The following ADAMTS9 variants were observed in gnomAD, a reference collection of about 807,000 sequenced individuals.
The protein encoded by ADAMTS9 is ADAM metallopeptidase with thrombospondin type 1 motif 9.
In ADAMTS9, 107 loss-of-function variants were observed where a neutral mutation model predicts 257.1. That is an observed-to-expected ratio of 0.42 (90% CI 0.36 to 0.49). The LOEUF (loss-of-function observed/expected upper bound fraction) is 0.49. Among genes scored for constraint, ADAMTS9 ranks in the 20% least tolerant of loss-of-function variants. The pLI is 0.03. For synonymous variants in ADAMTS9, 982 were observed against 880.9 expected (o/e 1.11, Z -2.03); for missense variants, 2,353 against 2,469.1 (o/e 0.95, Z 1.00).
intron 2 of ADAMTS9, among the ~76,000 whole-genome samples, chr3:64,682,880 C>T (rs1354688526): frequency 3.9e-5 from 6 of 152,142 alleles, no homozygotes; most frequent in Admixed American, 3.9e-4. Flanking sequence ...TTCAAAATTG[C>T]CTGGGAAGGT....
intron 19 of ADAMTS9, among the ~76,000 whole-genome samples, chr3:64,617,277 C>T (rs957449995): frequency 6.6e-6 from 1 of 152,128 alleles, no homozygotes; most frequent in African/African-American, 2.4e-5. Flanking sequence ...CCTTCGTCAC[C>T]ATTTCCTTGT....
intron 25 of ADAMTS9, among the ~76,000 whole-genome samples, chr3:64,602,449 A>G (rs978384728): frequency 2.0e-5 from 3 of 152,070 alleles, no homozygotes; most frequent in African/African-American, 2.4e-5. Context: ...GTCAAATCCT[A>G]TCCTTCCTTC....
chr3:64,568,663 A>C lies in ADAMTS9; in HGVS notation c.4357-128T>G. 14 of 1,103,834 alleles carry C rather than the reference A, an allele frequency of 1.3e-5. No homozygotes were observed. The South Asian group carries it at 1.9e-4, about 15-fold the overall frequency. 68.4% of individuals were successfully genotyped at this position (1,103,834 alleles called of 1,614,324 possible). On this transcript the variant is annotated intron_variant, in intron 28 of 39. Transcript: ENST00000498707. ...TACCATTCCCCTCTTTTACAGCGCC[A>C]GTTTGGATAATATCTCAAGGCTTAA... is the stretch of plus-strand genomic sequence containing the variant.
intron 28 of ADAMTS9, among the ~76,000 whole-genome samples, chr3:64,593,190 A>T (rs1393551993): frequency 1.3e-5 from 2 of 152,166 alleles, no homozygotes; most frequent in Non-Finnish European, 2.9e-5. Context: ...TCTGCCTAAT[A>T]CAAAGTATAG....
At chr3:64,539,181 G>C (rs1159363154) in intron 37 of ADAMTS9, 22 bp downstream of exon 37, 10 of 1,596,186 alleles carry the variant, frequency 6.3e-6, no homozygotes, top group Non-Finnish European at 7.7e-6. Flanking sequence ...CCCTGGCAAG[G>C]GGGAAGGCAC....
At chr3:64,559,919 A>C (rs1264514100) in intron 30 of ADAMTS9, among the ~76,000 whole-genome samples, 2 of 152,132 alleles carry the variant, frequency 1.3e-5, no homozygotes, top group African/African-American at 4.8e-5. Flanking sequence ...ACAAAGAGGG[A>C]GATGGAGAGA....
At chr3:64,517,424 T>G (rs866418956) in intron 39 of ADAMTS9, among the ~76,000 whole-genome samples, 5,632 of 123,240 alleles carry the variant, frequency 0.046, 533 homozygotes, top group African/African-American at 0.16. Flanking sequence ...TGGTTTTTTT[T>G]TTTTTTTTTT....
intron 3 of ADAMTS9, among the ~76,000 whole-genome samples, chr3:64,661,810 A>C (rs1002453673): frequency 2.0e-5 from 3 of 152,182 alleles, no homozygotes; most frequent in African/African-American, 7.2e-5. Flanking sequence ...AAAAATAAAT[A>C]GTCCTTGCTT....
chr3:64,585,367 G>GT (rs1248766802), intron 28 of ADAMTS9, among the ~76,000 whole-genome samples: 1 of 152,138 alleles, frequency 6.6e-6, no homozygotes, highest in African/African-American at 2.4e-5. Context: ...AGAATGAGGG[G>GT]TGATGAGAGG....
At position 64,643,763 on chromosome 3, in the gene ADAMTS9, C is replaced by T. The variant is rs891125882; in HGVS notation, c.1711-1770G>A. Among the ~76,000 whole-genome samples, 5 of 151,878 alleles carry T rather than the reference C, an allele frequency of 3.3e-5. No homozygotes were observed. The East Asian group carries it at 9.6e-4, about 29-fold the overall frequency. ...TACAGGCATGAGCCAACACACCTGG[C>T]CTACTAATTAGATTTTTTAATGCTT... On this transcript the variant is annotated intron_variant, in intron 11 of 39. Coordinates refer to ENST00000498707, the MANE Select transcript of ADAMTS9 (RefSeq NM_182920.2).
chr3:64,671,771 A>T (rs761884885), intron 3 of ADAMTS9, among the ~76,000 whole-genome samples: 57 of 152,302 alleles, frequency 3.7e-4, no homozygotes, highest in Middle Eastern at 3.4e-3. Flanking sequence ...TGATATTCAG[A>T]TTATTTATTA....
At chr3:64,560,851 AT>A (rs1219533676) in intron 30 of ADAMTS9, among the ~76,000 whole-genome samples, 3 of 152,000 alleles carry the variant, frequency 2.0e-5, no homozygotes, top group Non-Finnish European at 4.4e-5. Flanking sequence ...ATCAGTGGAT[AT>A]TGTTTTGCTT....
Position 64,634,914 on chromosome 3 carries a change from G to A in ADAMTS9, c.1857-1035C>T, listed in dbSNP as rs535346493. Among the ~76,000 whole-genome samples the A allele has an allele frequency of 1.7e-4, 26 of 152,292 alleles. No homozygotes were observed. In the South Asian group the frequency reaches 5.4e-3, roughly 32 times the overall value. On this transcript the variant is annotated intron_variant, in intron 12 of 39. Coordinates refer to ENST00000498707, the MANE Select transcript of ADAMTS9 (RefSeq NM_182920.2). ...TCCCTGCTCACGAAATATAGAATGA[G>A]AGGTAGAAAGAGCTCTAGAGTTGGA...
At chr3:64,562,360 G>A (rs1339380745) in intron 29 of ADAMTS9, among the ~76,000 whole-genome samples, 1 of 152,172 alleles carries the variant, frequency 6.6e-6, no homozygotes, top group Non-Finnish European at 1.5e-5. Context: ...AAGAATAAAA[G>A]CTGACAGGAA....
chr3:64,641,518 T>C (rs1559806222), intron 12 of ADAMTS9, among the ~76,000 whole-genome samples: 1 of 131,976 alleles, frequency 7.6e-6, no homozygotes, highest in African/African-American at 2.9e-5. Context: ...CCCCTTCCTG[T>C]GTCCGTGGGT....
intron 10 of ADAMTS9, among the ~76,000 whole-genome samples, chr3:64,648,301 T>G (rs572496691): frequency 6.6e-6 from 1 of 152,320 alleles, no homozygotes; most frequent in African/African-American, 2.4e-5. Context: ...GAAGGCCCTA[T>G]GTACTCATCC....
chr3:64,538,768 A>C (rs2106905745), intron 37 of ADAMTS9, among the ~76,000 whole-genome samples: 1 of 152,294 alleles, frequency 6.6e-6, no homozygotes, highest in South Asian at 2.1e-4. Context: ...TGACGGCTTG[A>C]AATCAATTAT....
At chr3:64,679,853 G>T (rs1227383022) in intron 3 of ADAMTS9, among the ~76,000 whole-genome samples, 2 of 152,188 alleles carry the variant, frequency 1.3e-5, no homozygotes, top group Non-Finnish European at 2.9e-5. Context: ...CATTAAACTT[G>T]CTGGTGGCTG....
In ADAMTS9 at chr3:64,526,218, T is replaced by C. The variant is rs948049451; in HGVS notation, c.5719-3958A>G. Among the ~76,000 whole-genome samples, 4 of 151,716 alleles carry C rather than the reference T, an allele frequency of 2.6e-5. No individual in the cohort carries two copies. The East Asian group carries it at 5.8e-4, about 22-fold the overall frequency. On this transcript the variant is annotated intron_variant, in intron 38 of 39. Coordinates refer to ENST00000498707, the MANE Select transcript of ADAMTS9 (RefSeq NM_182920.2). ...AAAGAAAAGATAAATGTTTGAGGTG[T>C]TGGGTATCCCACTTACCGTGATTTG...
Sources: allele counts gnomAD v4.1 joint callset (sites outside exome capture counted in the v4.1 genomes callset), GRCh38; gene constraint gnomAD v4.1.1; transcripts MANE v1.5; gene names NCBI Gene and HGNC (gene_info 2026-07-23, HGNC 2026-07-21).